Variants in CLNK observed in about 807,000 individuals in gnomAD.
The protein encoded by CLNK is cytokine-dependent hematopoietic cell linker.
A neutral mutation model predicts 68.6 loss-of-function variants in CLNK; 74 were observed. The ratio of observed to expected loss-of-function variants is 1.08; its 90% CI spans 0.89 to 1.31. CLNK has a LOEUF of 1.31. Among genes scored for constraint, CLNK ranks in the 50% most tolerant of loss-of-function variants. The probability of loss-of-function intolerance (pLI) is 0.00; values close to 1 mark genes in which losing one functional copy is unlikely to be tolerated. For missense variants in CLNK, 553 were observed against 515.3 expected, an observed-to-expected ratio of 1.07 and a Z score of -0.71; for synonymous variants, 198 against 172.2, an observed-to-expected ratio of 1.15 and a Z score of -1.17.
chr4:10,528,487 A>G (rs1718411168), intron 12 of CLNK, among the ~76,000 whole-genome samples: 1 of 152,200 alleles, frequency 6.6e-6, no homozygotes, highest in Non-Finnish European at 1.5e-5. Context: ...TGTTCATTGC[A>G]TCATTACTTT....
chr4:10,502,526 C>T (rs1298501874), intron 17 of CLNK, among the ~76,000 whole-genome samples: 1 of 151,912 alleles, frequency 6.6e-6, no homozygotes, highest in African/African-American at 2.4e-5. Flanking sequence ...AAGCTCTTCT[C>T]CTGCCCCCTT....
At chr4:10,588,718 A>G (rs1023318124) in intron 3 of CLNK, among the ~76,000 whole-genome samples, 1 of 152,218 alleles carries the variant, frequency 6.6e-6, no homozygotes, top group Non-Finnish European at 1.5e-5. Flanking sequence ...ATATAAGTAT[A>G]TACTTGTGAA....
At chr4:10,710,508 A>T in the CLNK span, among the ~76,000 whole-genome samples, 1 of 152,152 alleles carries the variant, frequency 6.6e-6, no homozygotes, top group Non-Finnish European at 1.5e-5. Flanking sequence ...TCAAGAAGTG[A>T]TTATGTGCCA....
the CLNK span, among the ~76,000 whole-genome samples, chr4:10,721,021 G>A: frequency 2.0e-5 from 3 of 152,180 alleles, no homozygotes; most frequent in Admixed American, 6.5e-5. Flanking sequence ...TACACAACTT[G>A]GGGGACTTTC....
At chr4:10,543,572 A>G (rs963372333) in intron 8 of CLNK, among the ~76,000 whole-genome samples, 10 of 152,180 alleles carry the variant, frequency 6.6e-5, no homozygotes, top group Non-Finnish European at 1.3e-4. Flanking sequence ...ACCCCATGTC[A>G]TTAAGGGCTT....
the CLNK span, among the ~76,000 whole-genome samples, chr4:10,717,473 G>A: frequency 8.0e-4 from 122 of 152,328 alleles, 1 homozygote; most frequent in African/African-American, 2.8e-3. Flanking sequence ...ATGCACGCCT[G>A]TAATTCCAGC....
intron 2 of CLNK, among the ~76,000 whole-genome samples, chr4:10,641,376 G>T (rs143077095): frequency 5.9e-5 from 9 of 152,300 alleles, no homozygotes; most frequent in African/African-American, 2.2e-4. Context: ...ATCTGGGTCT[G>T]CACTAAGGAT....
chr4:10,659,681 C>A (rs949318167), intron 2 of CLNK, among the ~76,000 whole-genome samples: 3 of 152,158 alleles, frequency 2.0e-5, no homozygotes, highest in Non-Finnish European at 2.9e-5. Context: ...AAGCTGGAGG[C>A]AACTGATATC....
intron 2 of CLNK, among the ~76,000 whole-genome samples, chr4:10,643,399 G>C (rs1180959363): frequency 6.6e-6 from 1 of 152,234 alleles, no homozygotes; most frequent in Non-Finnish European, 1.5e-5. Flanking sequence ...GAGAGACACA[G>C]TCCTTGTCCT....
chr4:10,726,862 G>C, the CLNK span, among the ~76,000 whole-genome samples: 1 of 152,144 alleles, frequency 6.6e-6, no homozygotes, highest in Non-Finnish European at 1.5e-5. Context: ...CTAGCAGGAA[G>C]GTTAGAGATC....
In CLNK at chr4:10,552,049, A is replaced by T. The variant is rs548170135; in HGVS notation, c.445+6358T>A. ...CTTTTTTATTTTTTAGTAGAGATGG[A>T]GTTTCACCGTGTTAGCCAGGATGGT... On this transcript the variant is annotated intron_variant, in intron 8 of 18. Transcript: ENST00000226951. 2.6e-4 allele frequency among the ~76,000 whole-genome samples: 39 copies of T among 151,876 alleles called. No homozygotes were observed. In the South Asian group the frequency reaches 7.9e-3, roughly 31 times the overall value.
At chr4:10,545,430 G>T (rs1259582799) in intron 8 of CLNK, among the ~76,000 whole-genome samples, 1 of 152,118 alleles carries the variant, frequency 6.6e-6, no homozygotes, top group Non-Finnish European at 1.5e-5. Flanking sequence ...GGCATTCTGT[G>T]CACACTGGAG....
chr4:10,667,771 A>G (rs915657176), intron 2 of CLNK, 88 bp downstream of exon 2: 4 of 1,307,960 alleles, frequency 3.1e-6, no homozygotes, highest in Non-Finnish European at 4.2e-6. Flanking sequence ...CCACATTGGC[A>G]TCATTTCTCA....
At chr4:10,725,718 G>A in the CLNK span, among the ~76,000 whole-genome samples, 138 of 152,034 alleles carry the variant, frequency 9.1e-4, 5 homozygotes, top group South Asian at 0.027. Context: ...AGCCGGGCGT[G>A]TTGGCGGGCG....
intron 7 of CLNK, among the ~76,000 whole-genome samples, chr4:10,564,180 A>G (rs1720007617): frequency 6.8e-6 from 1 of 146,042 alleles, no homozygotes; most frequent in African/African-American, 2.6e-5. Context: ...TATCTTTTGT[A>G]GCTTCCAAAC....
At chr4:10,601,501 A>G (rs1188649093) in intron 2 of CLNK, among the ~76,000 whole-genome samples, 2 of 152,264 alleles carry the variant, frequency 1.3e-5, no homozygotes. Flanking sequence ...CTAAGTGTTC[A>G]GATTTTAGAG....
chr4:10,592,747 G>A (rs897090801), intron 3 of CLNK, among the ~76,000 whole-genome samples: 2 of 151,566 alleles, frequency 1.3e-5, no homozygotes, highest in African/African-American at 4.9e-5. Context: ...TTCTTTTGAG[G>A]CAGAGTCTCA....
intron 12 of CLNK, among the ~76,000 whole-genome samples, chr4:10,528,302 A>G (rs528840297): frequency 6.6e-6 from 1 of 152,356 alleles, no homozygotes; most frequent in South Asian, 2.1e-4. Flanking sequence ...GAAGGAACAG[A>G]CAAGTCCACA....
At chr4:10,504,776 A>C (rs189584960) in intron 17 of CLNK, among the ~76,000 whole-genome samples, 1 of 152,356 alleles carries the variant, frequency 6.6e-6, no homozygotes, top group Admixed American at 6.5e-5. Flanking sequence ...GTCAAAATAA[A>C]TCTGAGTAAT....
Sources: allele counts gnomAD v4.1 joint callset (sites outside exome capture counted in the v4.1 genomes callset), GRCh38; gene constraint gnomAD v4.1.1; transcripts MANE v1.5; gene names NCBI Gene and HGNC (gene_info 2026-07-23, HGNC 2026-07-21).